Variants in ALG5 observed in about 807,000 individuals in gnomAD.
ALG5 encodes dolichyl-phosphate beta-glucosyltransferase.
ALG5 carries 26 observed loss-of-function variants against 51.8 expected under a neutral mutation model. The ratio of observed to expected loss-of-function variants is 0.50; its 90% CI spans 0.37 to 0.70. The LOEUF (loss-of-function observed/expected upper bound fraction) is 0.70, where lower values mean the gene tolerates loss of function less well. Among genes scored for constraint, ALG5 ranks in the 30% least tolerant of loss-of-function variants. ALG5 has a pLI of 0.00. For synonymous variants in ALG5, 141 were observed against 136.1 expected, an observed-to-expected ratio of 1.04 and a Z score of -0.25; for missense variants, 311 against 399.3, an observed-to-expected ratio of 0.78 and a Z score of 1.88.
At chr13:36,977,520 A>T (rs1473687127) in intron 6 of ALG5, among the ~76,000 whole-genome samples, 1 of 151,922 alleles carries the variant, frequency 6.6e-6, no homozygotes. Flanking sequence ...AAATAGGTGC[A>T]GTGGCTCATG....
rs766111018 is a variant in ALG5 at position 36,965,650 on chromosome 13, T to C, written c.698A>G (p.Asp233Gly). The C allele has an allele frequency of 6.2e-7, 1 of 1,614,008 alleles. No individual in the cohort carries two copies. The highest frequency in any genetic ancestry group is 1.6e-4 in the Middle Eastern group (1 of 6,062). The part of the protein sequence containing the change: ...VWFLCVKGIR[D>G]TQCGFKLFTR... ...AAATAATTTGAACCCACACTGTGTG[T>C]CCCTGATTCCTTTGACACAAAGGAA... The change falls in exon 8 of 10, where the codon GAC becomes GGC. Residue 233 changes from aspartate (D) to glycine (G), a missense_variant. Physicochemically the swap from Asp to Gly is moderately conservative, Grantham distance 94 (BLOSUM62 -1). Coordinates refer to ENST00000239891, the MANE Select transcript of ALG5 (RefSeq NM_013338.5).
chr13:36,965,349 C>A (rs1374332297), intron 8 of ALG5, among the ~76,000 whole-genome samples: 1 of 152,270 alleles, frequency 6.6e-6, no homozygotes, highest in Non-Finnish European at 1.5e-5. Context: ...CTACTGTCTA[C>A]AATTAAGGTG....
intron 5 of ALG5, among the ~76,000 whole-genome samples, chr13:36,989,022 C>T (rs1402284033): frequency 6.6e-6 from 1 of 152,154 alleles, no homozygotes; most frequent in Non-Finnish European, 1.5e-5. Flanking sequence ...ATCTGCATGT[C>T]TCTCATAATT....
chr13:36,980,133 T>G (rs2058973135), intron 6 of ALG5, among the ~76,000 whole-genome samples: 1 of 152,160 alleles, frequency 6.6e-6, no homozygotes, highest in African/African-American at 2.4e-5. Context: ...AATACACACT[T>G]TTTAGCATTT....
chr13:36,962,244 AT>A (rs1194117744), intron 8 of ALG5, among the ~76,000 whole-genome samples: 2 of 151,502 alleles, frequency 1.3e-5, no homozygotes, highest in African/African-American at 4.9e-5. Context: ...GAAATAAGGC[AT>A]AGATATACAA....
intron 4 of ALG5, among the ~76,000 whole-genome samples, chr13:36,991,525 CCTT>C (rs2059025331): frequency 6.6e-6 from 1 of 151,968 alleles, no homozygotes; most frequent in African/African-American, 2.4e-5. Flanking sequence ...AACAGTGCCT[CCTT>C]CTTTGCTGTT....
chr13:36,985,785 G>T, intron 5 of ALG5, 45 bp from the exon 6 acceptor site: 1 of 1,335,756 alleles, frequency 7.5e-7, no homozygotes, highest in Non-Finnish European at 1.1e-6. Flanking sequence ...TTAAAACTCA[G>T]GTTAAATTCA....
At chr13:36,984,791 T>TG (rs1310763029) in intron 6 of ALG5, among the ~76,000 whole-genome samples, 3 of 152,050 alleles carry the variant, frequency 2.0e-5, no homozygotes, top group Non-Finnish European at 2.9e-5. Context: ...TACGTGGCTT[T>TG]GTTGGTTACT....
At chr13:36,967,821 C>A in intron 7 of ALG5, 1 of 1,223,004 alleles carries the variant, frequency 8.2e-7, no homozygotes, top group South Asian at 1.3e-5. Context: ...AGGAAAGGAA[C>A]AAATAGAAAT....
intron 7 of ALG5, chr13:36,967,576 C>T: frequency 3.7e-6 from 1 of 267,080 alleles, no homozygotes; most frequent in Non-Finnish European, 7.5e-6. Flanking sequence ...AAATACTTAT[C>T]TATATGGTAT....
intron 6 of ALG5, among the ~76,000 whole-genome samples, chr13:36,982,278 C>G (rs1040266219): frequency 1.3e-5 from 2 of 152,176 alleles, no homozygotes; most frequent in African/African-American, 4.8e-5. Flanking sequence ...GACATATTTG[C>G]ATTTGGTGTC....
At chr13:36,995,133 A>C in intron 2 of ALG5, 98 bp from the exon 3 acceptor site, 1 of 1,039,304 alleles carries the variant, frequency 9.6e-7, no homozygotes, top group Admixed American at 2.1e-5. Flanking sequence ...ATAATCTAAC[A>C]AGCCCCTCTG....
intron 7 of ALG5, among the ~76,000 whole-genome samples, chr13:36,966,518 AT>A (rs1205092997): frequency 1.3e-5 from 2 of 152,030 alleles, no homozygotes; most frequent in Non-Finnish European, 2.9e-5. Context: ...AAATAACAAA[AT>A]TTTTTTTAGA....
chr13:36,963,070 G>C (rs1260441862), intron 8 of ALG5, among the ~76,000 whole-genome samples: 1 of 152,040 alleles, frequency 6.6e-6, no homozygotes, highest in Non-Finnish European at 1.5e-5. Context: ...TCAGTATCCT[G>C]AGTGGCTGGG....
In ALG5 at chr13:36,999,236, A is replaced by G; in HGVS notation, c.65T>C (p.Leu22Pro). 6.3e-7 allele frequency: 1 copy of G among 1,577,720 alleles called. No homozygotes were observed. The highest frequency in any genetic ancestry group is 8.6e-7 in the Non-Finnish European group (1 of 1,164,788). The change falls in exon 1 of 10, where the codon CTG becomes CCG. Residue 22 changes from leucine (L) to proline (P), a missense_variant and splice_region_variant. Physicochemically the swap from Leu to Pro is moderately conservative, Grantham distance 98 (BLOSUM62 -3). Coordinates refer to ENST00000239891, the MANE Select transcript of ALG5 (RefSeq NM_013338.5). ...GAALAAAALV[L>P]ISIVAFTTAT... is the part of the protein sequence containing the mutation. The stretch of plus-strand genomic sequence containing the variant: ...GCGGGTTCCCATCCCTGTTCTCACC[A>G]GTACGAGGGCTGCGGCCGCCAGCGC...
At chr13:36,990,174 T>G (rs2059019632) in intron 4 of ALG5, among the ~76,000 whole-genome samples, 1 of 152,224 alleles carries the variant, frequency 6.6e-6, no homozygotes, top group Non-Finnish European at 1.5e-5. Flanking sequence ...GACTTCACTA[T>G]TTTCTCAAGC....
intron 4 of ALG5, 25 bp from the exon 5 acceptor site, chr13:36,989,601 A>G (rs2059016791): frequency 6.5e-7 from 1 of 1,535,782 alleles, no homozygotes; most frequent in Non-Finnish European, 9.0e-7. Flanking sequence ...AAAAATCAGA[A>G]TAAAATTAAT....
At chr13:36,991,838 T>G (rs563976079) in intron 4 of ALG5, among the ~76,000 whole-genome samples, 6 of 152,182 alleles carry the variant, frequency 3.9e-5, no homozygotes, top group Non-Finnish European at 7.3e-5. Context: ...CAGCTCACTG[T>G]AACCTTGAAC....
chr13:36,952,401 A>G, intron 9 of ALG5, 113 bp downstream of exon 9: 1 of 705,994 alleles, frequency 1.4e-6, no homozygotes, highest in Non-Finnish European at 2.4e-6. Context: ...TTGAGTCAAG[A>G]CAGCTGAGAA....
Sources: allele counts gnomAD v4.1 joint callset (sites outside exome capture counted in the v4.1 genomes callset), GRCh38; gene constraint gnomAD v4.1.1; transcripts MANE v1.5; gene names NCBI Gene and HGNC (gene_info 2026-07-23, HGNC 2026-07-21).